Variants in SCLT1 observed in about 807,000 individuals in gnomAD.
SCLT1 encodes sodium channel and clathrin linker 1, also known as sodium channel-associated protein 1.
SCLT1 carries 78 observed loss-of-function variants against 112.8 expected under a neutral mutation model. That is an observed-to-expected ratio of 0.69 (90% CI 0.58 to 0.83). SCLT1 has a LOEUF of 0.83. Ranked by LOEUF, SCLT1 falls within the 40% of genes least tolerant of loss-of-function variation. The probability of loss-of-function intolerance (pLI) is 0.00; values close to 1 mark genes in which losing one functional copy is unlikely to be tolerated. For missense variants in SCLT1, 747 were observed against 770.4 expected (o/e 0.97, Z 0.36); for synonymous variants, 257 against 254.7 (o/e 1.01, Z -0.09).
At chr4:128,908,861 G>T (rs571018274) in intron 18 of SCLT1, among the ~76,000 whole-genome samples, 1 of 152,166 alleles carries the variant, frequency 6.6e-6, no homozygotes, top group Admixed American at 6.5e-5. Flanking sequence ...TAAAGAAGGC[G>T]TACACTCTAG....
At chr4:128,983,192 C>T (rs1189802532) in intron 9 of SCLT1, among the ~76,000 whole-genome samples, 2 of 152,168 alleles carry the variant, frequency 1.3e-5, no homozygotes, top group Non-Finnish European at 2.9e-5. Flanking sequence ...CCGGCCACTA[C>T]TTAGTCTTTA....
At chr4:128,888,481 T>C (rs536130515) in intron 20 of SCLT1, among the ~76,000 whole-genome samples, 198 bp downstream of exon 20, 2 of 152,268 alleles carry the variant, frequency 1.3e-5, no homozygotes, top group Admixed American at 1.3e-4. Flanking sequence ...GCCTCCCAAA[T>C]TGCTGGCATT....
chr4:129,055,559 GC>G (rs1446897431), intron 2 of SCLT1, among the ~76,000 whole-genome samples: 2 of 152,134 alleles, frequency 1.3e-5, no homozygotes, highest in African/African-American at 4.8e-5. Flanking sequence ...GACCTTCCCA[GC>G]CTCCTTAGCA....
intron 5 of SCLT1, among the ~76,000 whole-genome samples, chr4:129,027,818 C>CT (rs1226764817): frequency 6.6e-6 from 1 of 152,136 alleles, no homozygotes; most frequent in Non-Finnish European, 1.5e-5. Flanking sequence ...TGATAAGCAA[C>CT]TCAGCAAAGT....
intron 2 of SCLT1, among the ~76,000 whole-genome samples, chr4:129,056,415 T>C (rs932039494): frequency 2.6e-5 from 4 of 152,222 alleles, no homozygotes; most frequent in East Asian, 1.9e-4. Flanking sequence ...TATAGCTTTA[T>C]AGTATATTTT....
At chr4:129,020,015 A>G (rs547744441) in intron 5 of SCLT1, among the ~76,000 whole-genome samples, 15 of 152,326 alleles carry the variant, frequency 9.8e-5, no homozygotes, top group Admixed American at 3.9e-4. Context: ...CCTTAAGCAG[A>G]GAATATAAAA....
Position 129,009,471 on chromosome 4 carries a change from G to A in SCLT1, c.291-5595C>T, listed in dbSNP as rs575860058. On this transcript the variant is annotated intron_variant, in intron 5 of 20. Coordinates refer to ENST00000281142, the MANE Select transcript of SCLT1 (RefSeq NM_144643.4). ...GGAGCTTGCAGTGAGCTGAGATCGCGCCACTGCACTCCAGCCTGGGCGACA... is the reference window on the plus strand; with the variant it reads ...GGAGCTTGCAGTGAGCTGAGATCGCACCACTGCACTCCAGCCTGGGCGACA... Among the ~76,000 whole-genome samples the A allele has an allele frequency of 1.0e-3, 153 of 150,522 alleles. 1 individual carries two copies. The highest frequency in any genetic ancestry group is 3.4e-3 in the Middle Eastern group (1 of 292).
chr4:128,963,671 A>G (rs1739931942), intron 11 of SCLT1, among the ~76,000 whole-genome samples: 1 of 152,190 alleles, frequency 6.6e-6, no homozygotes, highest in Non-Finnish European at 1.5e-5. Context: ...ATACTGCCCA[A>G]AATTACCACA....
intron 19 of SCLT1, among the ~76,000 whole-genome samples, chr4:128,890,650 C>G (rs560357201): frequency 6.6e-6 from 1 of 152,000 alleles, no homozygotes; most frequent in Non-Finnish European, 1.5e-5. Context: ...ATATTTAGTT[C>G]TAAGGCATAA....
chr4:128,901,768 A>T (rs1457186174), intron 18 of SCLT1, among the ~76,000 whole-genome samples: 1 of 152,082 alleles, frequency 6.6e-6, no homozygotes, highest in African/African-American at 2.4e-5. Flanking sequence ...TTTACACATC[A>T]AATCTCTATG....
chr4:128,975,676 A>G (rs570427629), intron 9 of SCLT1, among the ~76,000 whole-genome samples: 1 of 152,180 alleles, frequency 6.6e-6, no homozygotes, highest in Admixed American at 6.5e-5. Context: ...AAAAAAATGC[A>G]CACGTTAGGT....
chr4:129,039,983 A>G (rs1169386149), intron 4 of SCLT1: 1 of 548,854 alleles, frequency 1.8e-6, no homozygotes, highest in Admixed American at 3.0e-5. Context: ...TAAAACGGTA[A>G]CTAATTCATG....
intron 18 of SCLT1, among the ~76,000 whole-genome samples, chr4:128,925,713 A>C (rs1736241817): frequency 1.3e-5 from 2 of 151,914 alleles, no homozygotes; most frequent in Admixed American, 1.3e-4. Context: ...ATTGTCCCTA[A>C]AGTCTCTGAG....
At chr4:128,893,046 G>A (rs1733450153) in intron 18 of SCLT1, among the ~76,000 whole-genome samples, 1 of 152,144 alleles carries the variant, frequency 6.6e-6, no homozygotes, top group African/African-American at 2.4e-5. Context: ...ACAGGTAAAA[G>A]TTACGCATAT....
intron 19 of SCLT1, among the ~76,000 whole-genome samples, chr4:128,890,486 A>G (rs1218280949): frequency 1.3e-5 from 2 of 152,226 alleles, no homozygotes; most frequent in African/African-American, 4.8e-5. Flanking sequence ...CTACTACAGT[A>G]GACCACAAAG....
chr4:129,090,227 T>C (rs1752718223), intron 1 of SCLT1, among the ~76,000 whole-genome samples: 1 of 152,186 alleles, frequency 6.6e-6, no homozygotes, highest in Admixed American at 6.5e-5. Flanking sequence ...AATTTTATTT[T>C]AAAACTTACT....
At chr4:128,944,982 T>C (rs921394361) in intron 16 of SCLT1, 1 of 152,182 alleles carries the variant, frequency 6.6e-6, no homozygotes, top group Non-Finnish European at 1.5e-5. Flanking sequence ...GGAGAGAAGC[T>C]TTTTGAAAGT....
rs143896637 is a variant in SCLT1, at chr4:128,930,523, A to G, written c.1829+6132T>C. Among the ~76,000 whole-genome samples, 365 of 152,344 alleles carry G rather than the reference A, an allele frequency of 2.4e-3. 2 individuals carry two copies. The highest frequency in any genetic ancestry group is 0.014 in the Middle Eastern group (4 of 294). On this transcript the variant is annotated intron_variant, in intron 18 of 20. Coordinates refer to ENST00000281142, the MANE Select transcript of SCLT1 (RefSeq NM_144643.4). The stretch of plus-strand genomic sequence containing the variant: ...AATGTTGGGGTAATTTGTTACATAG[A>G]AATAGGTAACTAATGCAGTTCTAGA...
At chr4:129,000,149 T>C (rs1339158075) in intron 6 of SCLT1, among the ~76,000 whole-genome samples, 3 of 151,908 alleles carry the variant, frequency 2.0e-5, no homozygotes, top group Non-Finnish European at 4.4e-5. Flanking sequence ...AGTACAATAT[T>C]TTTTTCCTGA....
Sources: allele counts gnomAD v4.1 joint callset (sites outside exome capture counted in the v4.1 genomes callset), GRCh38; gene constraint gnomAD v4.1.1; transcripts MANE v1.5; gene names NCBI Gene and HGNC (gene_info 2026-07-23, HGNC 2026-07-21).